FER: variants seen among roughly 807,000 people sequenced by gnomAD.
The protein encoded by FER is FER tyrosine kinase, also known as tyrosine-protein kinase Fer.
A neutral mutation model predicts 111.0 loss-of-function variants in FER; 63 were observed. The observed-to-expected ratio is 0.57, with a 90% CI of 0.46 to 0.70. FER has a LOEUF of 0.70. Among genes scored for constraint, FER ranks in the 30% least tolerant of loss-of-function variants. The probability of loss-of-function intolerance (pLI) is 0.00; values close to 1 mark genes in which losing one functional copy is unlikely to be tolerated. For synonymous variants in FER, 327 were observed against 313.9 expected, an observed-to-expected ratio of 1.04 and a Z score of -0.44; for missense variants, 914 against 954.0, an observed-to-expected ratio of 0.96 and a Z score of 0.55.
intron 2 of FER, among the ~76,000 whole-genome samples, chr5:108,792,952 G>T (rs1332989725): frequency 6.6e-6 from 1 of 152,076 alleles, no homozygotes; most frequent in Non-Finnish European, 1.5e-5. Context: ...GACATGCAGT[G>T]TGTAATAATC....
At chr5:108,937,089 C>T (rs571355835) in intron 10 of FER, among the ~76,000 whole-genome samples, 1 of 151,944 alleles carries the variant, frequency 6.6e-6, no homozygotes, top group African/African-American at 2.4e-5. Context: ...AATATATTCC[C>T]TTTTATTTAC....
chr5:109,059,508 CAG>C (rs1774107937), intron 16 of FER, among the ~76,000 whole-genome samples: 2 of 152,118 alleles, frequency 1.3e-5, no homozygotes, highest in African/African-American at 2.4e-5. Context: ...AGCCTGGCGA[CAG>C]AGTGAGACTC....
chr5:109,108,101 G>C (rs2150082195), intron 17 of FER, among the ~76,000 whole-genome samples: 1 of 152,232 alleles, frequency 6.6e-6, no homozygotes, highest in African/African-American at 2.4e-5. Flanking sequence ...GGCTTCAAAA[G>C]ATGGCTATCG....
Position 108,786,658 on chromosome 5 carries a change from G to A in FER, c.-59-11466G>A, listed in dbSNP as rs575071629. Among the ~76,000 whole-genome samples the A allele has an allele frequency of 2.4e-4, 37 of 152,114 alleles. No individual in the cohort carries two copies. The South Asian group carries it at 4.4e-3, about 18-fold the overall frequency. ...TGGGGCTACAGGAGCCTGCTAGCAC[G>A]CCCAGCTAATTTTTTGTATGTTTAG... is the stretch of plus-strand genomic sequence containing the variant. On this transcript the variant is annotated intron_variant, in intron 2 of 19. Coordinates refer to ENST00000281092, the MANE Select transcript of FER (RefSeq NM_005246.4).
intron 12 of FER, among the ~76,000 whole-genome samples, chr5:108,957,093 G>C (rs1249029926): frequency 6.6e-6 from 1 of 151,572 alleles, no homozygotes; most frequent in African/African-American, 2.4e-5. Context: ...TCCTAGCTCT[G>C]TCTTTACTTG....
Position 109,100,447 on chromosome 5 carries a change from A to C in FER, c.1976A>C (p.Lys659Thr). 1.2e-6 allele frequency: 2 copies of C among 1,611,484 alleles called. No homozygotes were observed. The highest frequency in any genetic ancestry group is 2.7e-5 in the African/African-American group (2 of 74,932). ...LRRKKDELKLKQLVKFSLDAA... is the reference protein window; with the variant it reads ...LRRKKDELKLTQLVKFSLDAA... ...AGGAAGAAGGATGAACTAAAACTCA[A>C]ACAGTTAGTGAAATTTTCATTAGAC... The change falls in exon 17 of 20, where the codon AAA (lysine) becomes ACA (threonine). Residue 659 changes from lysine (K) to threonine (T), a missense_variant. Lys to Thr is a moderately conservative substitution (Grantham distance 78). Coordinates refer to ENST00000281092, the MANE Select transcript of FER (RefSeq NM_005246.4).
chr5:109,087,692 T>C lies in FER; in HGVS notation c.1925-12704T>C, dbSNP rs549867458. Among the ~76,000 whole-genome samples the C allele has an allele frequency of 2.0e-4, 31 of 151,760 alleles. 1 individual carries two copies. Among genetic ancestry groups the C allele is most frequent in the African/African-American group, 7.5e-4 (31 of 41,502 alleles). ...CCTCGGTGCACTTTTTTTTTGGTTT[T>C]TGTTTTGGTAGTGGGAGGAGATTTA... On this transcript the variant is annotated intron_variant, in intron 16 of 19. Coordinates refer to ENST00000281092, the MANE Select transcript of FER (RefSeq NM_005246.4).
At position 109,190,976 on chromosome 5, in the gene FER, G is replaced by C. The variant is rs2126904450; in HGVS notation, c.*3401G>C. 6.6e-6 allele frequency: 1 copy of C among 152,008 alleles called. No homozygotes were observed. Among genetic ancestry groups the C allele is most frequent in the African/African-American group, 2.4e-5 (1 of 41,470 alleles). The allele number at this position is 152,008 out of a possible 1,614,324, so 9.4% of individuals were successfully genotyped here. On this transcript the variant is annotated 3_prime_UTR_variant, in exon 20 of 20. Transcript: ENST00000281092. ...TTTAATTTCCTTTAAACCATAATTT[G>C]GTTTTTCTATCTATATTATATTCAG...
intron 2 of FER, among the ~76,000 whole-genome samples, chr5:108,777,690 AAAAG>A (rs1378050342): frequency 6.6e-6 from 1 of 152,200 alleles, no homozygotes; most frequent in African/African-American, 2.4e-5. Flanking sequence ...GGAATTTTAC[AAAAG>A]AAAGAGGTTT....
intron 2 of FER, among the ~76,000 whole-genome samples, chr5:108,788,540 T>G (rs138389069): frequency 1.3e-5 from 2 of 151,862 alleles, no homozygotes; most frequent in Admixed American, 1.3e-4. Flanking sequence ...ATATCTTTTT[T>G]TTTTTTTCCC....
chr5:108,954,580 A>G, intron 11 of FER, 149 bp from the exon 12 acceptor site: 1 of 592,830 alleles, frequency 1.7e-6, no homozygotes, highest in Non-Finnish European at 2.8e-6. Context: ...CAGTACTTCA[A>G]AAGATATTTT....
rs73779118 is a variant in FER at position 109,044,572 on chromosome 5, A to T, written c.1714-108A>T. On this transcript the variant is annotated intron_variant, in intron 14 of 19. Coordinates refer to ENST00000281092, the MANE Select transcript of FER (RefSeq NM_005246.4). Reference sequence around the variant, plus strand: ...TAGAAATTAGTTCATCACTGGTGATATTGACATGTAGGTAAGCACCTCCTC... The same window carrying T: ...TAGAAATTAGTTCATCACTGGTGATTTTGACATGTAGGTAAGCACCTCCTC... 2.3e-3 allele frequency: 1,341 copies of T among 573,928 alleles called. 17 individuals carry two copies. Among genetic ancestry groups the T allele is most frequent in the African/African-American group, 0.023 (1,189 of 52,478 alleles). The allele number at this position is 573,928 out of a possible 1,614,324, so 35.6% of individuals were successfully genotyped here.
intron 10 of FER, among the ~76,000 whole-genome samples, chr5:108,926,259 G>A (rs1252070781): frequency 6.0e-5 from 9 of 149,410 alleles, no homozygotes; most frequent in Admixed American, 2.0e-4. Flanking sequence ...ACATACCATC[G>A]TTGTCTTTTC....
chr5:109,172,634 TAATAA>T (rs1038327154), intron 17 of FER, among the ~76,000 whole-genome samples: 19 of 152,010 alleles, frequency 1.2e-4, no homozygotes, highest in Admixed American at 2.6e-4. Flanking sequence ...TAAAGTATAA[TAATAA>T]AATAAAAAGA....
chr5:108,793,022 T>G (rs933821635), intron 2 of FER, among the ~76,000 whole-genome samples: 1 of 152,196 alleles, frequency 6.6e-6, no homozygotes, highest in African/African-American at 2.4e-5. Context: ...TCACAAACAA[T>G]TCAATTATAC....
intron 13 of FER, among the ~76,000 whole-genome samples, chr5:108,997,268 A>G (rs1462498834): frequency 1.3e-5 from 2 of 151,356 alleles, no homozygotes; most frequent in Admixed American, 6.6e-5. Flanking sequence ...TACAAAAAAA[A>G]TTAGCCGGGC....
At chr5:109,120,220 C>T (rs981238524) in intron 17 of FER, among the ~76,000 whole-genome samples, 10 of 151,962 alleles carry the variant, frequency 6.6e-5, no homozygotes, top group Non-Finnish European at 1.0e-4. Context: ...TTTCTTTTAG[C>T]GGTTTCACAG....
chr5:109,039,052 A>G (rs574543830), intron 14 of FER, among the ~76,000 whole-genome samples: 2 of 152,098 alleles, frequency 1.3e-5, no homozygotes, highest in African/African-American at 2.4e-5. Flanking sequence ...TTTTAAGTAC[A>G]AGAAAATGGT....
chr5:108,785,364 C>G (rs1754583014), intron 2 of FER: 1 of 581,968 alleles, frequency 1.7e-6, no homozygotes, highest in South Asian at 1.5e-5. Context: ...GCCATGGGCC[C>G]CAGCATCAAG....
Sources: allele counts gnomAD v4.1 joint callset (sites outside exome capture counted in the v4.1 genomes callset), GRCh38; gene constraint gnomAD v4.1.1; transcripts MANE v1.5; gene names NCBI Gene and HGNC (gene_info 2026-07-23, HGNC 2026-07-21).